Variants in NOTCH2NLC observed in about 807,000 individuals in gnomAD.
The protein encoded by NOTCH2NLC is notch homolog 2 N-terminal-like protein C.
In NOTCH2NLC, 4 loss-of-function variants were observed where a neutral mutation model predicts 17.7. The ratio of observed to expected loss-of-function variants is 0.23; its 90% CI spans 0.11 to 0.52. The LOEUF is 0.52. Among genes scored for constraint, NOTCH2NLC ranks in the 20% least tolerant of loss-of-function variants. The pLI, the probability that NOTCH2NLC is intolerant of heterozygous loss-of-function variation, is 0.96. For synonymous variants in NOTCH2NLC, 18 were observed against 86.0 expected (o/e 0.21, Z 4.38); for missense variants, 57 against 207.2 (o/e 0.28, Z 4.45).
rs1308429543 is a variant in NOTCH2NLC, at chr1:149,460,491, G to A, written c.470-3000G>A. Among the ~76,000 whole-genome samples the A allele has an allele frequency of 1.9e-4, 28 of 147,776 alleles. 1 individual carries two copies. Among genetic ancestry groups the A allele is most frequent in the African/African-American group, 5.2e-4 (21 of 40,328 alleles). The stretch of plus-strand genomic sequence containing the variant: ...GTAGCTGGGACTACAGGCACCTACC[G>A]CCATGCCCGGCTAATTTTTGTATTT... On this transcript the variant is annotated intron_variant, in intron 3 of 4. Transcript: ENST00000650865.
chr1:149,430,317 TCTA>T (rs2084440583), intron 1 of NOTCH2NLC, among the ~76,000 whole-genome samples: 1 of 131,500 alleles, frequency 7.6e-6, no homozygotes, highest in African/African-American at 2.9e-5. Flanking sequence ...CTATTCATGA[TCTA>T]CTCCCCATCT....
At chr1:149,460,855 C>CTTTCTTTCTTTCTTTCCTTCTTTCTTTG (rs2084641490) in intron 3 of NOTCH2NLC, among the ~76,000 whole-genome samples, 1 of 1,508 alleles carries the variant, frequency 6.6e-4, no homozygotes, top group Non-Finnish European at 2.8e-3. Context: ...TTCTTTCTCC[C>CTTTCTTTCTTTCTTTCCTTCTTTCTTTG]TTTCTTTCTT....
chr1:149,390,805 C>CGGT lies in NOTCH2NLC; in HGVS notation c.20_21insTGG (p.Gly18dup). On this transcript the variant is annotated inframe_insertion, in exon 1 of 5. Coordinates refer to ENST00000650865, the MANE Select transcript of NOTCH2NLC (RefSeq NM_001364013.2). ...CCCTCCCCATGTGGATCTGCCCAGG[C>CGGT]GGCGGCGGCGGCGGCGGCGGCGGCG... The CGGT allele has an allele frequency of 8.7e-7, 1 of 1,152,724 alleles. No individual in the cohort carries two copies. The highest frequency in any genetic ancestry group is 1.1e-6 in the Non-Finnish European group (1 of 908,532). 71.4% of individuals were successfully genotyped at this position (1,152,724 alleles called of 1,614,324 possible).
chr1:149,419,645 G>A (rs1205387394), intron 1 of NOTCH2NLC, among the ~76,000 whole-genome samples: 2 of 149,018 alleles, frequency 1.3e-5, no homozygotes, highest in Non-Finnish European at 3.0e-5. Flanking sequence ...GGCTGATGGA[G>A]TTGGAGGACT....
At chr1:149,433,353 G>A (rs1161741664) in intron 2 of NOTCH2NLC, among the ~76,000 whole-genome samples, 2 of 144,924 alleles carry the variant, frequency 1.4e-5, no homozygotes, top group African/African-American at 2.5e-5. Flanking sequence ...CCTGGATGAC[G>A]GGTTGATAGG....
At chr1:149,410,198 A>G (rs1203994539) in intron 1 of NOTCH2NLC, among the ~76,000 whole-genome samples, 1 of 138,534 alleles carries the variant, frequency 7.2e-6, no homozygotes, top group Admixed American at 7.3e-5. Flanking sequence ...CTCCAAAGCC[A>G]GGTCTTCTAT....
At chr1:149,448,978 TTCATGCCATTC>T (rs1252624378) in intron 2 of NOTCH2NLC, among the ~76,000 whole-genome samples, 4 of 145,410 alleles carry the variant, frequency 2.8e-5, no homozygotes, top group Non-Finnish European at 6.1e-5. Context: ...AACTTCTGGG[TTCATGCCATTC>T]TCCTGCCTCA....
intron 1 of NOTCH2NLC, among the ~76,000 whole-genome samples, chr1:149,398,327 G>A (rs1218917550): frequency 2.0e-5 from 3 of 149,610 alleles, no homozygotes; most frequent in Non-Finnish European, 4.5e-5. Context: ...ATGTCTGTTA[G>A]TGGGTTTGCG....
At chr1:149,430,898 GACTT>G in intron 1 of NOTCH2NLC, 40 bp from the exon 2 acceptor site, 1 of 260,416 alleles carries the variant, frequency 3.8e-6, no homozygotes. Flanking sequence ...TATGATTAGT[GACTT>G]ACTTCTAATG....
chr1:149,449,170 C>T lies in NOTCH2NLC; in HGVS notation c.210-6148C>T, dbSNP rs1359461012. On this transcript the variant is annotated intron_variant, in intron 2 of 4. Coordinates refer to ENST00000650865, the MANE Select transcript of NOTCH2NLC (RefSeq NM_001364013.2). ...TGCTGAGATTACTGGTGTGAGCCAC[C>T]GCACCTGGCCTAGCTGTAAAATCTT... is the stretch of plus-strand genomic sequence containing the variant. 3.8e-3 allele frequency among the ~76,000 whole-genome samples: 570 copies of T among 150,962 alleles called. 19 individuals carry two copies. Among genetic ancestry groups the T allele is most frequent in the East Asian group, 0.023 (115 of 5,094 alleles).
Position 149,461,686 on chromosome 1 carries a change from T to C in NOTCH2NLC, c.470-1805T>C. 1.3e-5 allele frequency among the ~76,000 whole-genome samples: 2 copies of C among 151,376 alleles called. 1 individual carries two copies. The highest frequency in any genetic ancestry group is 3.0e-5 in the Non-Finnish European group (2 of 67,712). On this transcript the variant is annotated intron_variant, in intron 3 of 4. Transcript: ENST00000650865. ...TGCTATAAAGACACATGCACACGTA[T>C]GTTTCTTGCGGCACTATTCACAATA... is the stretch of plus-strand genomic sequence containing the variant.
At chr1:149,418,985 C>A (rs2084362660) in intron 1 of NOTCH2NLC, among the ~76,000 whole-genome samples, 1 of 149,688 alleles carries the variant, frequency 6.7e-6, no homozygotes, top group South Asian at 2.1e-4. Context: ...TTCTCTCTCT[C>A]CTTTCTTTCT....
intron 2 of NOTCH2NLC, among the ~76,000 whole-genome samples, chr1:149,432,543 T>A (rs1394237755): frequency 3.3e-5 from 5 of 151,120 alleles, no homozygotes; most frequent in Non-Finnish European, 5.9e-5. Flanking sequence ...ACTTAATACC[T>A]TAGAGTAGGC....
rs1187985079 is a variant in NOTCH2NLC, at chr1:149,427,382, G to A, written c.136-3560G>A. ...GAGAACATGCTGTATTTGTCTTCCT[G>A]TGCCTTATTTCACTTAGCATAATGT... On this transcript the variant is annotated intron_variant, in intron 1 of 4. Transcript: ENST00000650865. Among the ~76,000 whole-genome samples the A allele has an allele frequency of 2.8e-3, 414 of 148,014 alleles. 9 individuals are homozygous for A. Among genetic ancestry groups the A allele is most frequent in the African/African-American group, 1.0e-2 (401 of 40,294 alleles).
At chr1:149,445,603 G>A (rs1434481641) in intron 2 of NOTCH2NLC, among the ~76,000 whole-genome samples, 1 of 150,788 alleles carries the variant, frequency 6.6e-6, no homozygotes, top group Non-Finnish European at 1.5e-5. Flanking sequence ...GGATTGGGGG[G>A]CCAAGAGGCC....
At chr1:149,426,848 A>C (rs1400310835) in intron 1 of NOTCH2NLC, among the ~76,000 whole-genome samples, 1 of 150,362 alleles carries the variant, frequency 6.7e-6, no homozygotes, top group Admixed American at 6.7e-5. Context: ...AGTGTTTTAC[A>C]TTGGAAAAAA....
At chr1:149,448,930 G>A (rs1330128129) in intron 2 of NOTCH2NLC, among the ~76,000 whole-genome samples, 2 of 144,474 alleles carry the variant, frequency 1.4e-5, no homozygotes, top group Admixed American at 1.4e-4. Flanking sequence ...CGCCCAGGCT[G>A]GAGTGCAGTG....
chr1:149,460,801 A>G (rs1350744905), intron 3 of NOTCH2NLC, among the ~76,000 whole-genome samples: 1 of 149,252 alleles, frequency 6.7e-6, no homozygotes, highest in Non-Finnish European at 1.5e-5. Context: ...GTTAGTGCCT[A>G]TACATAATGT....
chr1:149,460,317 G>T (rs1177724218), intron 3 of NOTCH2NLC, among the ~76,000 whole-genome samples: 4 of 146,912 alleles, frequency 2.7e-5, no homozygotes, highest in Non-Finnish European at 6.0e-5. Flanking sequence ...GGTGTGTTCT[G>T]CAAGATTCTG....
Sources: allele counts gnomAD v4.1 joint callset (sites outside exome capture counted in the v4.1 genomes callset), GRCh38; gene constraint gnomAD v4.1.1; transcripts MANE v1.5; gene names NCBI Gene and HGNC (gene_info 2026-07-23, HGNC 2026-07-21).